The following FGF14 variants were observed in gnomAD, a reference collection of about 807,000 sequenced individuals.
FGF14 encodes the protein fibroblast growth factor 14, also known as fibroblast growth factor homologous factor 4.
FGF14 carries 5 observed loss-of-function variants against 25.5 expected under a neutral mutation model. The observed-to-expected ratio is 0.20, with a 90% CI of 0.10 to 0.41. The LOEUF (loss-of-function observed/expected upper bound fraction) is 0.41. Among genes scored for constraint, FGF14 ranks in the 10% least tolerant of loss-of-function variants. The pLI, the probability that FGF14 is intolerant of heterozygous loss-of-function variation, is 1.00. For missense variants in FGF14, 222 were observed against 320.1 expected, an observed-to-expected ratio of 0.69 and a Z score of 2.34; for synonymous variants, 138 against 118.3, an observed-to-expected ratio of 1.17 and a Z score of -1.08.
At chr13:102,117,966 G>T (rs530952267) in intron 1 of FGF14, among the ~76,000 whole-genome samples, 4 of 151,982 alleles carry the variant, frequency 2.6e-5, no homozygotes, top group Non-Finnish European at 4.4e-5. Flanking sequence ...TTTCAATTTT[G>T]AGCCATGTAG....
At chr13:102,191,190 A>T (rs569931818) in intron 1 of FGF14, among the ~76,000 whole-genome samples, 3 of 152,192 alleles carry the variant, frequency 2.0e-5, no homozygotes, top group Non-Finnish European at 4.4e-5. Flanking sequence ...ATCCATGGTA[A>T]TTGCTTAATA....
intron 3 of FGF14, among the ~76,000 whole-genome samples, chr13:101,855,638 A>T (rs1200223551): frequency 6.6e-6 from 1 of 151,964 alleles, no homozygotes; most frequent in East Asian, 1.9e-4. Flanking sequence ...TAAAAAAGTT[A>T]AAATTGCATC....
chr13:102,039,169 T>C (rs916998239), intron 1 of FGF14, among the ~76,000 whole-genome samples: 4 of 152,216 alleles, frequency 2.6e-5, no homozygotes, highest in African/African-American at 7.2e-5. Flanking sequence ...CATTCTGATA[T>C]CTTCACTCTA....
chr13:101,943,477 G>A (rs747979201), intron 1 of FGF14, among the ~76,000 whole-genome samples: 7 of 152,184 alleles, frequency 4.6e-5, no homozygotes, highest in Non-Finnish European at 8.8e-5. Flanking sequence ...AGAAGCCAGA[G>A]ATGCTGCTAA....
chr13:101,910,795 T>C (rs1411728251), intron 1 of FGF14, among the ~76,000 whole-genome samples: 3 of 151,634 alleles, frequency 2.0e-5, no homozygotes, highest in Non-Finnish European at 4.4e-5. Context: ...TGGCTTTAAA[T>C]TGCATTGACG....
chr13:101,837,403 G>C (rs1341313719), intron 3 of FGF14, among the ~76,000 whole-genome samples: 16 of 152,068 alleles, frequency 1.1e-4, no homozygotes, highest in Admixed American at 1.0e-3. Context: ...TTAAGTCTCA[G>C]ACTCTTGAAA....
intron 1 of FGF14, among the ~76,000 whole-genome samples, chr13:101,969,662 A>C (rs1453074258): frequency 6.6e-6 from 1 of 152,216 alleles, no homozygotes; most frequent in East Asian, 1.9e-4. Context: ...ATTGAACTCA[A>C]AATTTGCATA....
intron 1 of FGF14, among the ~76,000 whole-genome samples, chr13:101,934,405 G>A (rs1402356349): frequency 6.6e-6 from 1 of 152,240 alleles, no homozygotes; most frequent in Middle Eastern, 3.4e-3. Flanking sequence ...ATGGAATGTG[G>A]TATCTATAGA....
intron 3 of FGF14, among the ~76,000 whole-genome samples, chr13:101,729,899 C>T (rs1291831383): frequency 6.6e-6 from 1 of 151,972 alleles, no homozygotes; most frequent in East Asian, 1.9e-4. Context: ...GAGTGACTTA[C>T]CTATAAAATA....
At chr13:102,307,978 G>C (rs560004428) in intron 1 of FGF14, among the ~76,000 whole-genome samples, 33 of 152,062 alleles carry the variant, frequency 2.2e-4, no homozygotes, top group Admixed American at 4.6e-4. Context: ...TAACTTTCAA[G>C]GTGTCTCACA....
In FGF14 at chr13:102,067,478, A is replaced by G. The variant is rs1315996442; in HGVS notation, c.209-192182T>C. ...CATTTTCTCAACTCCTAATTGGGTG[A>G]TTGCACAAAAAAAAAGATCCACTTA... On this transcript the variant is annotated intron_variant, in intron 1 of 4. Transcript: ENST00000376131. Among the ~76,000 whole-genome samples the G allele has an allele frequency of 1.3e-5, 2 of 151,872 alleles. 1 individual carries two copies. The highest frequency in any genetic ancestry group is 4.2e-4 in the South Asian group (2 of 4,814).
chr13:101,814,911 G>A lies in FGF14; in HGVS notation c.408+53814C>T, dbSNP rs184633106. On this transcript the variant is annotated intron_variant, in intron 3 of 4. Coordinates refer to ENST00000376143, the MANE Select transcript of FGF14 (RefSeq NM_004115.4). Reference sequence around the variant, plus strand: ...TAGTTTTGAAAAGTATTAATTGGCAGTCAGATTTACAAGTAACCTGTAAAT... The same window carrying A: ...TAGTTTTGAAAAGTATTAATTGGCAATCAGATTTACAAGTAACCTGTAAAT... Among the ~76,000 whole-genome samples, 363 of 152,238 alleles carry A rather than the reference G, an allele frequency of 2.4e-3. 3 individuals are homozygous for A. The highest frequency in any genetic ancestry group is 8.4e-3 in the African/African-American group (349 of 41,550).
In FGF14 at chr13:101,925,992, ACT is replaced by A. The variant is rs555283335; in HGVS notation, c.209-50698_209-50697del. The stretch of plus-strand genomic sequence containing the variant: ...TCCATTGTCACATTTCCTACTACTG[ACT>A]CTGATCCTCCTGCCTCCCTCTTCAA... On this transcript the variant is annotated intron_variant, in intron 1 of 4. Transcript: ENST00000376131. Among the ~76,000 whole-genome samples, 623 of 151,956 alleles carry A rather than the reference ACT, an allele frequency of 4.1e-3. 4 individuals carry two copies. The highest frequency in any genetic ancestry group is 6.8e-3 in the Non-Finnish European group (459 of 67,946).
At chr13:102,186,785 G>A (rs2048893852) in intron 1 of FGF14, among the ~76,000 whole-genome samples, 1 of 152,144 alleles carries the variant, frequency 6.6e-6, no homozygotes, top group African/African-American at 2.4e-5. Flanking sequence ...ACGTACATCT[G>A]AGTTATACAT....
chr13:101,936,950 A>C (rs2035143239), intron 1 of FGF14, among the ~76,000 whole-genome samples: 1 of 152,212 alleles, frequency 6.6e-6, no homozygotes, highest in Non-Finnish European at 1.5e-5. Context: ...AAAATGTCAG[A>C]TCAAAGGGGT....
chr13:102,385,230 T>C (rs901061228), intron 1 of FGF14, among the ~76,000 whole-genome samples: 1 of 152,234 alleles, frequency 6.6e-6, no homozygotes, highest in African/African-American at 2.4e-5. Context: ...TTTCTTCTAA[T>C]ACCTGCTAGT....
chr13:102,356,674 T>C (rs145434700), intron 1 of FGF14, among the ~76,000 whole-genome samples: 10 of 152,310 alleles, frequency 6.6e-5, no homozygotes, highest in African/African-American at 1.9e-4. Flanking sequence ...TACTGTCCCA[T>C]TGAATCACAC....
rs3066038 is a variant in FGF14, at chr13:102,301,826, TCACACACACACACACACA to T, written c.208+99627_208+99644del. ...CTTTCTTCTCAAATCTTCCTGTACT[TCACACACACACACACACA>T]CACACACACACACACACACACACTT... is the stretch of plus-strand genomic sequence containing the variant. On this transcript the variant is annotated intron_variant, in intron 1 of 4. Coordinates refer to the FGF14 transcript ENST00000376131. 5.0e-5 allele frequency among the ~76,000 whole-genome samples: 7 copies of T among 140,076 alleles called. No homozygotes were observed. In the East Asian group the frequency reaches 1.3e-3, roughly 26 times the overall value. The allele number at this position is 140,076 out of a possible 152,430, so 91.9% of individuals were successfully genotyped here. A position where few individuals can be genotyped will look rare whatever the true frequency, so the allele number is the denominator to read the frequency against.
At chr13:101,989,034 A>G (rs1026322667) in intron 1 of FGF14, among the ~76,000 whole-genome samples, 1 of 152,010 alleles carries the variant, frequency 6.6e-6, no homozygotes, top group Non-Finnish European at 1.5e-5. Context: ...AGAAATACCT[A>G]TCAGATAATT....
Sources: allele counts gnomAD v4.1 joint callset (sites outside exome capture counted in the v4.1 genomes callset), GRCh38; gene constraint gnomAD v4.1.1; transcripts MANE v1.5; gene names NCBI Gene and HGNC (gene_info 2026-07-23, HGNC 2026-07-21).